The following CCDC144A variants were observed in gnomAD, a reference collection of about 807,000 sequenced individuals.
CCDC144A encodes the protein coiled-coil domain containing 144A.
In CCDC144A, 41 loss-of-function variants were observed where a neutral mutation model predicts 143.8. The ratio of observed to expected loss-of-function variants is 0.29; its 90% confidence interval spans 0.22 to 0.37. CCDC144A has a LOEUF of 0.37. CCDC144A is among the 10% of genes least tolerant of loss of function. The probability of loss-of-function intolerance (pLI) is 1.00; values close to 1 mark genes in which losing one functional copy is unlikely to be tolerated. For synonymous variants in CCDC144A, 242 were observed against 517.9 expected (o/e 0.47, Z 7.23); for missense variants, 637 against 1,488.8 (o/e 0.43, Z 9.41).
intron 2 of CCDC144A, among the ~76,000 whole-genome samples, chr17:16,701,302 C>T (rs563373139): frequency 1.3e-5 from 2 of 152,244 alleles, no homozygotes; most frequent in Admixed American, 1.3e-4. Flanking sequence ...TCAGTACCCC[C>T]CATCGGAGTT....
At chr17:16,751,729 C>T (rs1488390593) in intron 12 of CCDC144A, among the ~76,000 whole-genome samples, 11 of 152,202 alleles carry the variant, frequency 7.2e-5, no homozygotes, top group Admixed American at 3.3e-4. Flanking sequence ...TGCGGATCTG[C>T]GGGTCGTCTG....
At chr17:16,676,028 A>C in the CCDC144A span, among the ~76,000 whole-genome samples, 1 of 152,032 alleles carries the variant, frequency 6.6e-6, no homozygotes, top group Non-Finnish European at 1.5e-5. Flanking sequence ...GATTACAGGC[A>C]TGAGCCACTG....
At chr17:16,773,118 T>C (rs1915885325) in intron 16 of CCDC144A, among the ~76,000 whole-genome samples, 1 of 152,020 alleles carries the variant, frequency 6.6e-6, no homozygotes, top group Non-Finnish European at 1.5e-5. Flanking sequence ...AACTCTTTTT[T>C]ACTGATTTGC....
chr17:16,766,343 T>C (rs1243449451), intron 15 of CCDC144A: 1 of 152,250 alleles, frequency 6.6e-6, no homozygotes, highest in Non-Finnish European at 1.5e-5. Flanking sequence ...TGAGTTTTCC[T>C]TTTAGCTTAG....
chr17:16,670,307 T>TTTTTTTTTTTTTTTTTTTAAAG, the CCDC144A span, among the ~76,000 whole-genome samples: 1 of 127,768 alleles, frequency 7.8e-6, no homozygotes, highest in South Asian at 2.8e-4. Flanking sequence ...TTTTTTTTTT[T>TTTTTTTTTTTTTTTTTTTAAAG]GACAGAGTCT....
chr17:16,720,410 TG>T (rs2143179287), intron 7 of CCDC144A, 106 bp from the exon 8 acceptor site: 2 of 1,135,502 alleles, frequency 1.8e-6, no homozygotes, highest in South Asian at 3.1e-5. Context: ...AAGAAGTACC[TG>T]TATTTTTGCT....
intron 12 of CCDC144A, among the ~76,000 whole-genome samples, chr17:16,761,070 G>A (rs1405859442): frequency 1.3e-5 from 2 of 151,020 alleles, no homozygotes; most frequent in Non-Finnish European, 2.9e-5. Context: ...GCTCACGTCT[G>A]TAATCTCAGC....
intron 1 of CCDC144A, 139 bp downstream of exon 1, chr17:16,690,883 A>C: frequency 1.4e-6 from 1 of 696,080 alleles, no homozygotes; most frequent in Non-Finnish European, 2.4e-6. Context: ...ATCAAATATA[A>C]AGGATTATTA....
Position 16,714,267 on chromosome 17 carries a change from C to A in CCDC144A, c.1715+2452C>A, listed in dbSNP as rs531143059. On this transcript the variant is annotated intron_variant, in intron 6 of 16. Transcript: ENST00000399273. ...TGTGTGTGCTAATGATTTCCAAATG[C>A]GTGTCTCCAGCCTAGATCTCTCTCC... Among the ~76,000 whole-genome samples, 12 of 152,270 alleles carry A rather than the reference C, an allele frequency of 7.9e-5. 1 individual carries two copies. The South Asian group carries it at 2.5e-3, about 32-fold the overall frequency.
chr17:16,759,412 T>A (rs1202065271), intron 12 of CCDC144A, among the ~76,000 whole-genome samples: 1 of 152,208 alleles, frequency 6.6e-6, no homozygotes, highest in East Asian at 1.9e-4. Context: ...CGAACCATGC[T>A]AAGTCAAGGA....
intron 12 of CCDC144A, among the ~76,000 whole-genome samples, chr17:16,739,561 G>A (rs1002159100): frequency 7.5e-5 from 11 of 146,464 alleles, no homozygotes; most frequent in South Asian, 2.2e-4. Context: ...TACATTTAGT[G>A]GTTCTATTTT....
intron 12 of CCDC144A, among the ~76,000 whole-genome samples, chr17:16,744,133 T>C (rs1044214147): frequency 7.2e-5 from 11 of 152,246 alleles, no homozygotes; most frequent in Admixed American, 5.2e-4. Flanking sequence ...TGAATAGTGC[T>C]GCAGTGAACA....
chr17:16,683,664 G>A, the CCDC144A span: 5 of 1,606,720 alleles, frequency 3.1e-6, no homozygotes, highest in South Asian at 1.1e-5. Context: ...TGCAAGCCCG[G>A]AAGTTTCAGA....
chr17:16,668,867 AT>A, the CCDC144A span, among the ~76,000 whole-genome samples: 1 of 152,166 alleles, frequency 6.6e-6, no homozygotes, highest in East Asian at 1.9e-4. Flanking sequence ...AAGGGCATTA[AT>A]TCCATCATAA....
At chr17:16,667,626 G>A in the CCDC144A span, among the ~76,000 whole-genome samples, 8 of 150,330 alleles carry the variant, frequency 5.3e-5, no homozygotes, top group East Asian at 7.8e-4. Flanking sequence ...GCTCCTGCTC[G>A]GTGTCCTTTC....
chr17:16,750,843 C>A (rs1485062453), intron 12 of CCDC144A, among the ~76,000 whole-genome samples: 1 of 152,070 alleles, frequency 6.6e-6, no homozygotes, highest in African/African-American at 2.4e-5. Flanking sequence ...TTTTGAAGGT[C>A]CCTCCTGTGT....
At chr17:16,703,221 A>G (rs1402313051) in intron 2 of CCDC144A, among the ~76,000 whole-genome samples, 2 of 151,950 alleles carry the variant, frequency 1.3e-5, no homozygotes, top group African/African-American at 2.4e-5. Context: ...ATGGTCATAA[A>G]TAATATGTAG....
chr17:16,742,810 G>A (rs2143281202), intron 12 of CCDC144A, among the ~76,000 whole-genome samples: 1 of 152,140 alleles, frequency 6.6e-6, no homozygotes, highest in South Asian at 2.1e-4. Context: ...TCATTTTCCT[G>A]TTAGTGATGT....
At chr17:16,684,835 T>A (rs1273836959), upstream of CCDC144A, among the ~76,000 whole-genome samples, 1 of 152,056 alleles carries the variant, frequency 6.6e-6, no homozygotes, top group Non-Finnish European at 1.5e-5. Flanking sequence ...TAGTGGTGCA[T>A]GCCTGTAGTC....
Sources: gnomAD v4.1 joint callset for allele counts (sites outside exome capture counted in the v4.1 genomes callset) on GRCh38, gnomAD v4.1.1 for gene constraint, MANE v1.5 for transcripts, NCBI Gene and HGNC (gene_info 2026-07-23, HGNC 2026-07-21) for gene names.